Variants in STK10 observed in about 807,000 individuals in gnomAD.
STK10 encodes the protein serine/threonine-protein kinase 10.
In STK10, 78 loss-of-function variants were observed where a neutral mutation model predicts 113.8. That is an observed-to-expected ratio of 0.69 (90% CI 0.57 to 0.83). The LOEUF is 0.83. Among genes scored for constraint, STK10 ranks in the 40% least tolerant of loss-of-function variants. STK10 has a pLI of 0.00. For missense variants in STK10, 1,109 were observed against 1,280.1 expected (o/e 0.87, Z 2.04); for synonymous variants, 465 against 494.7 (o/e 0.94, Z 0.80).
intron 18 of STK10, among the ~76,000 whole-genome samples, chr5:172,046,787 T>C (rs970517980): frequency 2.0e-5 from 3 of 152,240 alleles, no homozygotes; most frequent in Non-Finnish European, 4.4e-5. Context: ...AATCTGTAAA[T>C]GAACGAGCAT....
At chr5:172,076,181 T>TGTGGGGGCTGTCCTGTGC (rs1192180902) in intron 12 of STK10, among the ~76,000 whole-genome samples, 5 of 143,292 alleles carry the variant, frequency 3.5e-5, no homozygotes, top group African/African-American at 5.2e-5. Context: ...TCCTGTGCGT[T>TGTGGGGGCTGTCCTGTGC]AGTTGTGGGG....
At chr5:172,104,309 C>T (rs915097706) in intron 7 of STK10, among the ~76,000 whole-genome samples, 2 of 152,312 alleles carry the variant, frequency 1.3e-5, no homozygotes, top group African/African-American at 2.4e-5. Context: ...TGCAAATGAC[C>T]GGGCAAGTGC....
intron 1 of STK10, 41 bp from the exon 2 acceptor site, chr5:172,156,829 G>A (rs141989681): frequency 1.5e-5 from 24 of 1,586,432 alleles, no homozygotes; most frequent in South Asian, 1.0e-4. Context: ...GGCATGCTCC[G>A]CAGGAAACTG....
intron 14 of STK10, among the ~76,000 whole-genome samples, chr5:172,059,891 G>C (rs1328103995): frequency 6.6e-6 from 1 of 152,094 alleles, no homozygotes; most frequent in East Asian, 1.9e-4. Flanking sequence ...ACAGCACCAG[G>C]GTAGGCCCGG....
intron 10 of STK10, among the ~76,000 whole-genome samples, chr5:172,084,984 CCTATAAT>C (rs56713584): frequency 0.013 from 2,032 of 152,234 alleles, 45 homozygotes; most frequent in African/African-American, 0.046. Context: ...GTGGCCCATG[CCTATAAT>C]CCCAGTACTT....
At chr5:172,158,901 T>A (rs972778254) in intron 1 of STK10, among the ~76,000 whole-genome samples, 2 of 151,972 alleles carry the variant, frequency 1.3e-5, no homozygotes, top group African/African-American at 4.8e-5. Context: ...AATGGGGAGT[T>A]ATTGTTTAGT....
At chr5:172,051,189 C>T (rs1467254779) in intron 18 of STK10, among the ~76,000 whole-genome samples, 4 of 152,092 alleles carry the variant, frequency 2.6e-5, no homozygotes, top group African/African-American at 7.2e-5. Flanking sequence ...TATTGGTTTA[C>T]TGAGTTATGC....
chr5:172,089,466 AAGGCTGAATGGGTAGATGAGTGGGTGGG>A (rs1768644529), intron 10 of STK10, among the ~76,000 whole-genome samples: 3 of 151,324 alleles, frequency 2.0e-5, no homozygotes, highest in African/African-American at 7.3e-5. Flanking sequence ...AGATAGGTGG[AAGGCTGAATGGGTAGATGAGTGGGTGGG>A]TGGATGGATG....
intron 1 of STK10, among the ~76,000 whole-genome samples, chr5:172,174,876 C>T (rs1770732370): frequency 6.6e-6 from 1 of 152,210 alleles, no homozygotes; most frequent in Non-Finnish European, 1.5e-5. Context: ...CACCCTGCAC[C>T]ACCTGACCCA....
intron 2 of STK10, among the ~76,000 whole-genome samples, chr5:172,156,057 A>G (rs902271855): frequency 2.0e-5 from 3 of 152,138 alleles, no homozygotes; most frequent in East Asian, 1.9e-4. Flanking sequence ...TGAAGCTACA[A>G]CCACACTGTG....
At position 172,188,189 on chromosome 5, in the gene STK10, G is replaced by C; in HGVS notation, c.-147C>G. On this transcript the variant is annotated 5_prime_UTR_variant, in exon 1 of 19. Coordinates refer to ENST00000176763, the MANE Select transcript of STK10 (RefSeq NM_005990.4). The surrounding 1 kb of genome is among the most constrained non-coding windows in gnomAD (Gnocchi z 5.6). ...CCGCCTTTCCCCGCAGCCCGACCTC[G>C]GTCAAGTGTGCCCTGGGCAGCGCCG... The C allele has an allele frequency of 7.3e-7, 1 of 1,368,182 alleles. No homozygotes were observed. The highest frequency in any genetic ancestry group is 9.7e-7 in the Non-Finnish European group (1 of 1,034,724). The allele number at this position is 1,368,182 out of a possible 1,614,324, so 84.8% of individuals were successfully genotyped here.
intron 12 of STK10, among the ~76,000 whole-genome samples, chr5:172,077,975 AGGCTGCTCACCTGGTGGGG>A (rs1197491238): frequency 1.4e-5 from 2 of 146,122 alleles, no homozygotes; most frequent in African/African-American, 2.7e-5. Flanking sequence ...GGTAGTTCAG[AGGCTGCTCACCTGGTGGGG>A]GGGGTCTCGT....
intron 3 of STK10, among the ~76,000 whole-genome samples, chr5:172,119,991 A>C (rs1196570302): frequency 6.6e-6 from 1 of 152,172 alleles, no homozygotes; most frequent in Non-Finnish European, 1.5e-5. Context: ...ACCAAAGCAG[A>C]GAGGAGGAAA....
Position 172,076,415 on chromosome 5 carries a change from G to A in STK10, c.1989+5911C>T, listed in dbSNP as rs555310168. On this transcript the variant is annotated intron_variant, in intron 12 of 18. Coordinates refer to ENST00000176763, the MANE Select transcript of STK10 (RefSeq NM_005990.4). ...CGTCCTGTGCATTTGTTGTGGGGGC[G>A]TCCTGTGCGTTAGTTGTGGGGGCTG... is the stretch of plus-strand genomic sequence containing the variant. Among the ~76,000 whole-genome samples, 202 of 63,194 alleles carry A rather than the reference G, an allele frequency of 3.2e-3. 6 individuals are homozygous for A. The highest frequency in any genetic ancestry group is 0.018 in the African/African-American group (177 of 9,936). The allele number at this position is 63,194 out of a possible 152,430, so 41.5% of individuals were successfully genotyped here. A position where few individuals can be genotyped will look rare whatever the true frequency, so the allele number is the denominator to read the frequency against.
intron 6 of STK10, among the ~76,000 whole-genome samples, chr5:172,106,372 A>G (rs1299698741): frequency 7.5e-6 from 1 of 133,602 alleles, no homozygotes; most frequent in African/African-American, 2.7e-5. Flanking sequence ...ACTGTACTCC[A>G]GCCTGGGCAA....
chr5:172,053,072 G>A (rs1767665969), intron 17 of STK10, 30 bp from the exon 18 acceptor site: 1 of 1,594,712 alleles, frequency 6.3e-7, no homozygotes, highest in Non-Finnish European at 8.6e-7. Flanking sequence ...GAACAGGTGA[G>A]AAATCAGAAG....
chr5:172,161,801 G>A lies in STK10; in HGVS notation c.157-5013C>T, dbSNP rs1255166871. 3.3e-5 allele frequency among the ~76,000 whole-genome samples: 5 copies of A among 152,030 alleles called. No homozygotes were observed. In the South Asian group the frequency reaches 6.2e-4, roughly 19 times the overall value. On this transcript the variant is annotated intron_variant, in intron 1 of 18. Coordinates refer to ENST00000176763, the MANE Select transcript of STK10 (RefSeq NM_005990.4). ...AGGCAGAGTACCCTAGGAATGAGGC[G>A]GCAGAGTGGGCTTGGAACTAAGGCA...
intron 1 of STK10, among the ~76,000 whole-genome samples, chr5:172,171,692 G>A (rs2113833907): frequency 9.0e-6 from 1 of 111,336 alleles, no homozygotes; most frequent in Admixed American, 8.9e-5. Context: ...TCCAACCTGA[G>A]CGACAGAGTG....
chr5:172,142,770 G>A (rs925977896), intron 2 of STK10, among the ~76,000 whole-genome samples: 1 of 152,182 alleles, frequency 6.6e-6, no homozygotes, highest in East Asian at 1.9e-4. Flanking sequence ...TTTTACATAT[G>A]GGGAAACTGA....
Sources: gnomAD v4.1 joint callset for allele counts (sites outside exome capture counted in the v4.1 genomes callset) on GRCh38, gnomAD v4.1.1 for gene constraint, Gnocchi (gnomAD v3.1) non-coding constraint, MANE v1.5 for transcripts, NCBI Gene and HGNC (gene_info 2026-07-23, HGNC 2026-07-21) for gene names.